SPOPL: variants seen among roughly 807,000 people sequenced by gnomAD.
SPOPL encodes speckle type BTB/POZ protein like, also known as speckle-type POZ protein-like.
SPOPL carries 23 observed loss-of-function variants against 53.8 expected under a neutral mutation model. The ratio of observed to expected loss-of-function variants is 0.43; its 90% CI spans 0.31 to 0.61. The LOEUF (loss-of-function observed/expected upper bound fraction) is 0.61. SPOPL is among the 20% of genes least tolerant of loss of function. The pLI is 0.12. For synonymous variants in SPOPL, 164 were observed against 149.7 expected (o/e 1.10, Z -0.70); for missense variants, 442 against 466.9 (o/e 0.95, Z 0.49).
chr2:138,553,710 TAGAC>T (rs1685362075), intron 5 of SPOPL, among the ~76,000 whole-genome samples: 1 of 152,122 alleles, frequency 6.6e-6, no homozygotes, highest in South Asian at 2.1e-4. Flanking sequence ...ATTTTTTACT[TAGAC>T]AAGTTAAATG....
At chr2:138,515,093 C>A (rs1039546206) in intron 1 of SPOPL, among the ~76,000 whole-genome samples, 1 of 152,122 alleles carries the variant, frequency 6.6e-6, no homozygotes, top group African/African-American at 2.4e-5. Context: ...GAATATACAA[C>A]AAATTTAAGT....
intron 7 of SPOPL, 129 bp downstream of exon 7, chr2:138,559,466 G>GA: frequency 2.3e-6 from 2 of 884,484 alleles, no homozygotes; most frequent in Non-Finnish European, 3.4e-6. Context: ...TTACAAACAG[G>GA]AAAAAAATGT....
intron 10 of SPOPL, among the ~76,000 whole-genome samples, chr2:138,568,233 T>G (rs1211255531): frequency 6.6e-6 from 1 of 152,140 alleles, no homozygotes; most frequent in Non-Finnish European, 1.5e-5. Context: ...CAGGACATCT[T>G]TGAAGCCTTT....
chr2:138,556,618 C>A (rs1685429666), intron 5 of SPOPL, among the ~76,000 whole-genome samples: 1 of 152,048 alleles, frequency 6.6e-6, no homozygotes, highest in Admixed American at 6.5e-5. Context: ...TAGAACAGGG[C>A]AGTTGGGTAA....
intron 1 of SPOPL, among the ~76,000 whole-genome samples, chr2:138,535,307 A>G (rs1263080423): frequency 6.6e-6 from 1 of 152,222 alleles, no homozygotes; most frequent in Non-Finnish European, 1.5e-5. Context: ...TGCAGCAAAG[A>G]ACATTTATGT....
Position 138,572,741 on chromosome 2 carries a change from A to G in SPOPL, c.*3661A>G, listed in dbSNP as rs1685814135. ...TTACAAACCTTTTTTATACAAATTA[A>G]TGAGCTCTACTTTATTTAAGTGTTC... On this transcript the variant is annotated 3_prime_UTR_variant, in exon 11 of 11. Coordinates refer to ENST00000280098, the MANE Select transcript of SPOPL (RefSeq NM_001001664.3). 6.6e-6 allele frequency: 1 copy of G among 152,606 alleles called. No individual in the cohort carries two copies. The highest frequency in any genetic ancestry group is 1.5e-5 in the Non-Finnish European group (1 of 68,002). 9.5% of individuals were successfully genotyped at this position (152,606 alleles called of 1,614,324 possible).
intron 1 of SPOPL, among the ~76,000 whole-genome samples, chr2:138,525,367 G>T (rs1429849597): frequency 1.3e-5 from 2 of 152,174 alleles, no homozygotes; most frequent in African/African-American, 4.8e-5. Context: ...GCTACAAGAT[G>T]AGATTTGGGT....
intron 1 of SPOPL, among the ~76,000 whole-genome samples, chr2:138,529,541 TGC>T (rs61492785): frequency 6.6e-6 from 1 of 151,104 alleles, no homozygotes. Flanking sequence ...TGTGTTTGCG[TGC>T]GCGCGCGCTT....
intron 1 of SPOPL, 107 bp from the exon 2 acceptor site, chr2:138,550,050 A>T: frequency 1.9e-6 from 1 of 525,770 alleles, no homozygotes; most frequent in Non-Finnish European, 3.4e-6. Flanking sequence ...TTCCTTCATA[A>T]TCTAGTTTGG....
chr2:138,505,315 T>C (rs972865296), intron 1 of SPOPL, among the ~76,000 whole-genome samples: 4 of 152,208 alleles, frequency 2.6e-5, no homozygotes, highest in Non-Finnish European at 2.9e-5. Context: ...TTAGTGGTCA[T>C]GCTCACTGTT....
intron 1 of SPOPL, among the ~76,000 whole-genome samples, chr2:138,519,436 AAAC>A (rs989125280): frequency 1.3e-5 from 2 of 152,140 alleles, no homozygotes; most frequent in Admixed American, 6.5e-5. Context: ...AAAAAAAAAA[AAAC>A]AACTCTGTGA....
chr2:138,526,926 A>G (rs539926543), intron 1 of SPOPL, among the ~76,000 whole-genome samples: 1 of 152,180 alleles, frequency 6.6e-6, no homozygotes, highest in South Asian at 2.1e-4. Context: ...GGGTTTTGCC[A>G]TGTTGGCCAG....
intron 10 of SPOPL, among the ~76,000 whole-genome samples, chr2:138,566,523 A>G (rs1410849513): frequency 6.6e-6 from 1 of 152,208 alleles, no homozygotes; most frequent in East Asian, 1.9e-4. Context: ...GAAATTTTGA[A>G]CACAATGACA....
At chr2:138,539,019 G>C (rs986800570) in intron 1 of SPOPL, among the ~76,000 whole-genome samples, 1 of 152,000 alleles carries the variant, frequency 6.6e-6, no homozygotes, top group African/African-American at 2.4e-5. Context: ...TTGTCCTTGC[G>C]ATAGTTTGCT....
At chr2:138,533,648 C>T (rs534263556) in intron 1 of SPOPL, among the ~76,000 whole-genome samples, 4 of 152,020 alleles carry the variant, frequency 2.6e-5, no homozygotes, top group African/African-American at 9.6e-5. Flanking sequence ...ATTATTCTCC[C>T]TGGTACAGTC....
chr2:138,519,940 A>G (rs1684521223), intron 1 of SPOPL, among the ~76,000 whole-genome samples: 1 of 152,224 alleles, frequency 6.6e-6, no homozygotes, highest in Non-Finnish European at 1.5e-5. Context: ...GCTAGGGAGT[A>G]ATTTTTACCC....
chr2:138,504,763 C>A (rs1264941695), intron 1 of SPOPL, among the ~76,000 whole-genome samples: 1 of 152,134 alleles, frequency 6.6e-6, no homozygotes, highest in Non-Finnish European at 1.5e-5. Flanking sequence ...AGTAGTTACT[C>A]CAGTTTTTGT....
chr2:138,514,097 G>A (rs1375063275), intron 1 of SPOPL, among the ~76,000 whole-genome samples: 1 of 152,078 alleles, frequency 6.6e-6, no homozygotes, highest in Non-Finnish European at 1.5e-5. Flanking sequence ...CATAAACCCC[G>A]AATATCTGAA....
chr2:138,550,269 T>A lies in SPOPL; in HGVS notation c.53T>A (p.Ile18Lys). 1 of 1,613,678 alleles carries A rather than the reference T, an allele frequency of 6.2e-7. No homozygotes were observed. Among genetic ancestry groups the A allele is most frequent in the Non-Finnish European group, 8.5e-7 (1 of 1,179,662 alleles). Reference sequence around the variant, plus strand: ...CCTGGAGATATGTCTACTGGTCCCATAGCAGAAAGCTGGTGTTACACACAG... The same window carrying A: ...CCTGGAGATATGTCTACTGGTCCCAAAGCAGAAAGCTGGTGTTACACACAG... ...PLPGDMSTGP[I>K]AESWCYTQVK... Residue 18 changes from isoleucine to lysine, a missense_variant, in exon 2 of 11, where the codon ATA (isoleucine) becomes AAA (lysine). Transcript: ENST00000280098.
Sources: gnomAD v4.1 joint callset for allele counts (sites outside exome capture counted in the v4.1 genomes callset) on GRCh38, gnomAD v4.1.1 for gene constraint, MANE v1.5 for transcripts, NCBI Gene and HGNC (gene_info 2026-07-23, HGNC 2026-07-21) for gene names.